Variants in MICAL3 observed in about 807,000 individuals in gnomAD.
MICAL3 encodes [F-actin]-monooxygenase MICAL3.
A neutral mutation model predicts 207.4 loss-of-function variants in MICAL3; 62 were observed. That is an observed-to-expected ratio of 0.30 (90% CI 0.24 to 0.37). The LOEUF is 0.37. Among genes scored for constraint, MICAL3 ranks in the 10% least tolerant of loss-of-function variants. The pLI, the probability that MICAL3 is intolerant of heterozygous loss-of-function variation, is 1.00. For missense variants in MICAL3, 2,368 were observed against 2,635.6 expected (o/e 0.90, Z 2.22); for synonymous variants, 1,077 against 1,069.3 (o/e 1.01, Z -0.14).
chr22:17,961,626 C>G (rs1569148404), intron 1 of MICAL3, among the ~76,000 whole-genome samples: 1 of 152,222 alleles, frequency 6.6e-6, no homozygotes, highest in Non-Finnish European at 1.5e-5. Context: ...GAGTCCCCTT[C>G]CCACACACAC....
chr22:17,879,443 G>T, intron 16 of MICAL3: 1 of 1,553,152 alleles, frequency 6.4e-7, no homozygotes, highest in Non-Finnish European at 8.8e-7. Flanking sequence ...CATGCATATC[G>T]CTCTATTTGG....
Position 17,817,318 on chromosome 22 carries a change from T to C in MICAL3, c.5343A>G (p.Val1781=), listed in dbSNP as rs774292449. The change falls in exon 26 of 32, where the codon GTA becomes GTG. Residue 1781 remains valine (V), a synonymous_variant. Transcript: ENST00000441493. ...DSGKHRVLPV[V]RAELQLRRQL... is the part of the protein sequence containing the mutation. ...ACCCGGCTGCTGACGCACCTGCCCTTACGACGGGAAGCACCCTGTGCTTTC... is the reference window on the plus strand; with the variant it reads ...ACCCGGCTGCTGACGCACCTGCCCTCACGACGGGAAGCACCCTGTGCTTTC... 1 of 1,596,504 alleles carries C rather than the reference T, an allele frequency of 6.3e-7. No individual in the cohort carries two copies. Among genetic ancestry groups the C allele is most frequent in the South Asian group, 1.1e-5 (1 of 89,068 alleles).
intron 1 of MICAL3, among the ~76,000 whole-genome samples, chr22:17,957,447 G>C (rs572900585): frequency 7.2e-5 from 11 of 152,286 alleles, no homozygotes; most frequent in South Asian, 6.2e-4. Context: ...GCCTGGGCTC[G>C]ATGGCTCACG....
At chr22:17,947,167 G>A (rs555039314) in intron 1 of MICAL3, among the ~76,000 whole-genome samples, 164 of 152,264 alleles carry the variant, frequency 1.1e-3, no homozygotes, top group African/African-American at 3.8e-3. Flanking sequence ...TCCCCACTTC[G>A]TTCTCCCAGG....
chr22:17,883,997 C>T (rs1929647607), intron 16 of MICAL3, among the ~76,000 whole-genome samples: 1 of 152,208 alleles, frequency 6.6e-6, no homozygotes, highest in African/African-American at 2.4e-5. Context: ...CGCGGGTACC[C>T]TTGGGTGAGC....
intron 1 of MICAL3, among the ~76,000 whole-genome samples, chr22:17,963,725 ACCCATGCTGATCCAG>A (rs1474141542): frequency 6.6e-6 from 1 of 152,090 alleles, no homozygotes; most frequent in Non-Finnish European, 1.5e-5. Flanking sequence ...AGACACAGCT[ACCCATGCTGATCCAG>A]CCAGGAGGGT....
intron 20 of MICAL3, chr22:17,834,429 T>A: frequency 7.8e-7 from 1 of 1,286,174 alleles, no homozygotes; most frequent in Non-Finnish European, 1.0e-6. Context: ...AAGACTCTTA[T>A]GCTCAGCTGG....
In MICAL3 at chr22:17,817,711, G is replaced by C. The variant is rs773267330; in HGVS notation, c.4950C>G (p.Pro1650=). Residue 1650 remains proline (P), a synonymous_variant, in exon 26 of 32, where the codon CCC becomes CCG. Coordinates refer to ENST00000441493, the MANE Select transcript of MICAL3 (RefSeq NM_015241.3). ...CGGAGCCCCTGAGAGTGGGGCGTGT[G>C]GGGGAGTCAGGCCGGCGCTCCTTGC... The part of the protein sequence containing the change: ...SQGKERRPDS[P]TRPTLRGSEE... 3.9e-5 allele frequency: 62 copies of C among 1,596,610 alleles called. No individual in the cohort carries two copies. Among genetic ancestry groups the C allele is most frequent in the South Asian group, 3.6e-4 (32 of 89,200 alleles).
intron 30 of MICAL3, 51 bp from the exon 31 acceptor site, chr22:17,791,122 C>T: frequency 6.2e-7 from 1 of 1,604,530 alleles, no homozygotes; most frequent in African/African-American, 1.3e-5. Flanking sequence ...GGGGACCACC[C>T]CTCACCCCCA....
intron 20 of MICAL3, among the ~76,000 whole-genome samples, chr22:17,837,428 T>C (rs1923514369): frequency 1.3e-5 from 2 of 152,198 alleles, no homozygotes; most frequent in African/African-American, 4.8e-5. Context: ...CCTCCTGACT[T>C]CTCTCTAGAG....
At chr22:17,802,917 C>A (rs943098570) in intron 29 of MICAL3, among the ~76,000 whole-genome samples, 1 of 152,110 alleles carries the variant, frequency 6.6e-6, no homozygotes, top group Admixed American at 6.5e-5. Flanking sequence ...AGAAAAGCTG[C>A]CTGAAGCTTA....
chr22:17,964,980 G>A (rs1463179796), intron 1 of MICAL3, among the ~76,000 whole-genome samples: 2 of 152,096 alleles, frequency 1.3e-5, no homozygotes, highest in Admixed American at 6.6e-5. Context: ...AAACAGAAAC[G>A]CCATCGCTGA....
At chr22:17,888,325 T>C (rs1384182780) in intron 13 of MICAL3, among the ~76,000 whole-genome samples, 1 of 152,106 alleles carries the variant, frequency 6.6e-6, no homozygotes, top group Non-Finnish European at 1.5e-5. Flanking sequence ...ACACTTACTC[T>C]AAGGGACAAT....
chr22:17,824,091 C>G (rs1202709341), intron 22 of MICAL3, among the ~76,000 whole-genome samples: 2 of 145,178 alleles, frequency 1.4e-5, no homozygotes, highest in Non-Finnish European at 3.0e-5. Context: ...CACGCACACA[C>G]CGTCCCCACC....
At chr22:18,018,927 C>T (rs767964941) in intron 1 of MICAL3, among the ~76,000 whole-genome samples, 2 of 152,138 alleles carry the variant, frequency 1.3e-5, no homozygotes, top group Non-Finnish European at 2.9e-5. Context: ...CACAGTGGCT[C>T]ACGCCTATAA....
intron 1 of MICAL3, among the ~76,000 whole-genome samples, chr22:17,954,019 C>T (rs1602283357): frequency 6.8e-6 from 1 of 147,304 alleles, no homozygotes; most frequent in South Asian, 2.2e-4. Flanking sequence ...AAAGAAACGG[C>T]ATTCTGGGGA....
chr22:18,012,935 C>A (rs1003339718), intron 1 of MICAL3, among the ~76,000 whole-genome samples: 1 of 152,186 alleles, frequency 6.6e-6, no homozygotes, highest in Admixed American at 6.5e-5. Context: ...GTAACAGTGC[C>A]TACATCTTAG....
intron 17 of MICAL3, 115 bp from the exon 18 acceptor site, chr22:17,866,127 C>A: frequency 1.3e-6 from 1 of 770,480 alleles, no homozygotes; most frequent in East Asian, 2.6e-5. Context: ...GGCCATCAAG[C>A]CACCCAGCCT....
chr22:17,876,099 T>C (rs547823805), intron 16 of MICAL3, among the ~76,000 whole-genome samples: 1 of 152,306 alleles, frequency 6.6e-6, no homozygotes, highest in South Asian at 2.1e-4. Flanking sequence ...GAGGCTCTGC[T>C]TGCCAAAGAG....
Sources: gnomAD v4.1 joint callset for allele counts (sites outside exome capture counted in the v4.1 genomes callset) on GRCh38, gnomAD v4.1.1 for gene constraint, MANE v1.5 for transcripts, NCBI Gene and HGNC (gene_info 2026-07-23, HGNC 2026-07-21) for gene names.